UTRN: variants seen among roughly 807,000 people sequenced by gnomAD.
The protein encoded by UTRN is dystrophin-related protein 1.
A neutral mutation model predicts 463.9 loss-of-function variants in UTRN; 283 were observed. The ratio of observed to expected loss-of-function variants is 0.61; its 90% confidence interval spans 0.55 to 0.67. The LOEUF is 0.67. Among genes scored for constraint, UTRN ranks in the 30% least tolerant of loss-of-function variants. The pLI, the probability that UTRN is intolerant of heterozygous loss-of-function variation, is 0.00. For missense variants in UTRN, 3,922 were observed against 4,084.3 expected (o/e 0.96, Z 1.08); for synonymous variants, 1,442 against 1,431.5 (o/e 1.01, Z -0.17).
chr6:144,675,163 G>A (rs911223434), intron 51 of UTRN, among the ~76,000 whole-genome samples: 3 of 152,128 alleles, frequency 2.0e-5, no homozygotes, highest in African/African-American at 7.2e-5. Context: ...TTGATGTAGT[G>A]GTCTCCCCCT....
chr6:144,309,299 A>C (rs1806034988), intron 2 of UTRN, among the ~76,000 whole-genome samples: 2 of 152,156 alleles, frequency 1.3e-5, no homozygotes, highest in Non-Finnish European at 2.9e-5. Context: ...TGCTGGCTCA[A>C]ATTTCTATCT....
At chr6:144,637,381 A>G (rs1323000387) in intron 51 of UTRN, among the ~76,000 whole-genome samples, 1 of 151,758 alleles carries the variant, frequency 6.6e-6, no homozygotes, top group African/African-American at 2.4e-5. Flanking sequence ...ATTCATTTAT[A>G]TTATACTTCT....
chr6:144,360,466 C>T (rs1348385790), intron 2 of UTRN, among the ~76,000 whole-genome samples: 1 of 152,190 alleles, frequency 6.6e-6, no homozygotes, highest in Admixed American at 6.5e-5. Flanking sequence ...AGCCACTGCA[C>T]CAGACCTGGT....
rs183191036 is a variant in UTRN, at chr6:144,331,096, G to A, written c.79+39189G>A. The A allele has an allele frequency of 6.2e-4, 542 of 870,640 alleles. 4 individuals are homozygous for A. In the African/African-American group the frequency reaches 7.1e-3, roughly 11 times the overall value. 53.9% of individuals were successfully genotyped at this position (870,640 alleles called of 1,614,324 possible). On this transcript the variant is annotated intron_variant, in intron 2 of 74. Coordinates refer to ENST00000367545, the MANE Select transcript of UTRN (RefSeq NM_007124.3). ...AAAGGAAGCCGAGGCATGACTCTCC[G>A]CCAATAATTAGTGTGAAAATTACTG...
At chr6:144,509,301 CT>C (rs756307427) in intron 34 of UTRN, among the ~76,000 whole-genome samples, 20 of 151,838 alleles carry the variant, frequency 1.3e-4, no homozygotes, top group Admixed American at 1.2e-3. Flanking sequence ...TAAAAATATA[CT>C]TTTCGGTTTT....
rs200074133 is a variant in UTRN at position 144,774,271 on chromosome 6, G to T, written c.8558-19G>T. 15 of 1,590,956 alleles carry T rather than the reference G, an allele frequency of 9.4e-6. No homozygotes were observed. The highest frequency in any genetic ancestry group is 1.3e-5 in the Non-Finnish European group (15 of 1,172,210). On this transcript the variant is annotated intron_variant, in intron 59 of 74. Coordinates refer to ENST00000367545, the MANE Select transcript of UTRN (RefSeq NM_007124.3). ...TCAATAATAAGCCTATCTTCAAATT[G>T]TTTCTTTTTCTATTTCAGCTGACCT...
At chr6:144,515,661 C>T (rs909935051) in intron 37 of UTRN, among the ~76,000 whole-genome samples, 4 of 152,148 alleles carry the variant, frequency 2.6e-5, no homozygotes, top group African/African-American at 9.7e-5. Flanking sequence ...TAGCCAACCC[C>T]AGATGGTATT....
intron 2 of UTRN, among the ~76,000 whole-genome samples, chr6:144,362,784 A>G (rs929078732): frequency 2.0e-5 from 3 of 152,186 alleles, no homozygotes; most frequent in Non-Finnish European, 2.9e-5. Flanking sequence ...CACGCGATGC[A>G]ATATCTTGGG....
intron 69 of UTRN, among the ~76,000 whole-genome samples, chr6:144,832,077 A>G (rs1341747260): frequency 6.6e-6 from 1 of 152,166 alleles, no homozygotes; most frequent in East Asian, 1.9e-4. Context: ...GTGCAAACCT[A>G]TTATTTTTGC....
At chr6:144,724,655 G>C (rs73593805) in intron 53 of UTRN, among the ~76,000 whole-genome samples, 1 of 151,946 alleles carries the variant, frequency 6.6e-6, no homozygotes, top group Non-Finnish European at 1.5e-5. Flanking sequence ...AGACTTGCCT[G>C]TTTGGGACAT....
chr6:144,287,024 CCCGGCCGCCCG>C (rs1040782073), intron 1 of UTRN, among the ~76,000 whole-genome samples: 2 of 151,648 alleles, frequency 1.3e-5, no homozygotes, highest in African/African-American at 2.4e-5. Flanking sequence ...AGCCGACCCT[CCCGGCCGCCCG>C]GCCGGGCGGC....
At chr6:144,311,069 A>C (rs1392246435) in intron 2 of UTRN, among the ~76,000 whole-genome samples, 1 of 152,206 alleles carries the variant, frequency 6.6e-6, no homozygotes, top group Non-Finnish European at 1.5e-5. Flanking sequence ...TTTAGTTGGC[A>C]TGAAAATGCC....
intron 53 of UTRN, among the ~76,000 whole-genome samples, chr6:144,724,615 A>G (rs1318893332): frequency 6.6e-6 from 1 of 152,082 alleles, no homozygotes; most frequent in Non-Finnish European, 1.5e-5. Context: ...CCCAGCCTTA[A>G]GCAACGAGTA....
chr6:144,393,846 A>G (rs1470195115), intron 2 of UTRN, among the ~76,000 whole-genome samples: 1 of 152,142 alleles, frequency 6.6e-6, no homozygotes, highest in Non-Finnish European at 1.5e-5. Context: ...GTGGCCCTTA[A>G]GGTTATGTAA....
chr6:144,435,559 T>C (rs1347452254), intron 9 of UTRN, among the ~76,000 whole-genome samples: 2 of 152,238 alleles, frequency 1.3e-5, no homozygotes, highest in Non-Finnish European at 2.9e-5. Context: ...CCAGCTCCTC[T>C]ACGAAACTTT....
intron 56 of UTRN, among the ~76,000 whole-genome samples, chr6:144,754,067 C>T (rs1316491029): frequency 2.6e-5 from 4 of 152,040 alleles, no homozygotes; most frequent in Non-Finnish European, 4.4e-5. Context: ...TCACTCTATC[C>T]TTCTAACTAT....
chr6:144,588,191 A>G (rs1448669008), intron 51 of UTRN, among the ~76,000 whole-genome samples: 5 of 152,186 alleles, frequency 3.3e-5, no homozygotes, highest in Admixed American at 6.5e-5. Context: ...ACTATCAGAC[A>G]TGATTCCTGT....
intron 51 of UTRN, among the ~76,000 whole-genome samples, chr6:144,629,907 C>A (rs759933306): frequency 6.6e-6 from 1 of 152,074 alleles, no homozygotes; most frequent in African/African-American, 2.4e-5. Flanking sequence ...GCATTCTGGC[C>A]GGGCGTAGTG....
At chr6:144,446,714 T>A (rs1787730274) in intron 14 of UTRN, among the ~76,000 whole-genome samples, 2 of 152,232 alleles carry the variant, frequency 1.3e-5, no homozygotes, top group South Asian at 4.1e-4. Flanking sequence ...AATGCTAGTG[T>A]GGATTTCCTA....
Sources: allele counts gnomAD v4.1 joint callset (sites outside exome capture counted in the v4.1 genomes callset), GRCh38; gene constraint gnomAD v4.1.1; transcripts MANE v1.5; gene names NCBI Gene and HGNC (gene_info 2026-07-23, HGNC 2026-07-21).